KCNT2: variants seen among roughly 807,000 people sequenced by gnomAD.
KCNT2 encodes potassium sodium-activated channel subfamily T member 2, also known as potassium channel subfamily T member 2.
A neutral mutation model predicts 153.8 loss-of-function variants in KCNT2; 67 were observed. The observed-to-expected ratio is 0.44, with a 90% CI of 0.36 to 0.53. The LOEUF is 0.53. Among genes scored for constraint, KCNT2 ranks in the 20% least tolerant of loss-of-function variants. The probability of loss-of-function intolerance (pLI) is 0.00; values close to 1 mark genes in which losing one functional copy is unlikely to be tolerated. For synonymous variants in KCNT2, 500 were observed against 458.8 expected, an observed-to-expected ratio of 1.09 and a Z score of -1.15; for missense variants, 975 against 1,354.8, an observed-to-expected ratio of 0.72 and a Z score of 4.40.
chr1:196,392,182 G>T (rs978478079), intron 13 of KCNT2, among the ~76,000 whole-genome samples: 2 of 151,214 alleles, frequency 1.3e-5, no homozygotes, highest in Non-Finnish European at 3.0e-5. Context: ...TAGATGGAGA[G>T]AATATGGTTT....
chr1:196,432,945 A>G (rs918348354), intron 8 of KCNT2, among the ~76,000 whole-genome samples: 2 of 152,112 alleles, frequency 1.3e-5, no homozygotes, highest in African/African-American at 4.8e-5. Context: ...TCCAAAATTC[A>G]CACTGACACT....
chr1:196,316,886 T>G (rs1662779261), intron 20 of KCNT2, among the ~76,000 whole-genome samples: 1 of 151,820 alleles, frequency 6.6e-6, no homozygotes, highest in African/African-American at 2.4e-5. Flanking sequence ...TAATGGAGAC[T>G]AAACTTGAAT....
At chr1:196,366,488 C>G (rs948389958) in intron 14 of KCNT2, among the ~76,000 whole-genome samples, 1 of 152,092 alleles carries the variant, frequency 6.6e-6, no homozygotes, top group Non-Finnish European at 1.5e-5. Context: ...TTCCTCAAGT[C>G]ATCAGATGTG....
chr1:196,305,484 ATCT>A (rs968302866), intron 21 of KCNT2, 139 bp from the exon 22 acceptor site: 3 of 575,604 alleles, frequency 5.2e-6, no homozygotes, highest in African/African-American at 3.8e-5. Context: ...GCCACATAAA[ATCT>A]TCTATACAAT....
intron 15 of KCNT2, among the ~76,000 whole-genome samples, chr1:196,340,895 A>G (rs1665559645): frequency 6.6e-6 from 1 of 151,984 alleles, no homozygotes; most frequent in Non-Finnish European, 1.5e-5. Context: ...AGCATATCTT[A>G]CTTTGGTTAA....
chr1:196,378,950 C>T (rs73067641), intron 13 of KCNT2, among the ~76,000 whole-genome samples: 3,226 of 149,482 alleles, frequency 0.022, 110 homozygotes, highest in African/African-American at 0.074. Context: ...CGCTCTTATT[C>T]CCCCCACCCC....
At chr1:196,232,878 A>G (rs1654076042) in intron 27 of KCNT2, among the ~76,000 whole-genome samples, 1 of 151,424 alleles carries the variant, frequency 6.6e-6, no homozygotes, top group Non-Finnish European at 1.5e-5. Flanking sequence ...TAAGAAACAT[A>G]ATTTATTATA....
chr1:196,334,176 T>G, intron 16 of KCNT2, 116 bp from the exon 17 acceptor site: 108 of 578,300 alleles, frequency 1.9e-4, no homozygotes, highest in Middle Eastern at 4.6e-4. Context: ...ATAGAGAGAG[T>G]ATATATTTAT....
At chr1:196,556,088 C>G (rs993301447) in intron 1 of KCNT2, among the ~76,000 whole-genome samples, 1 of 151,396 alleles carries the variant, frequency 6.6e-6, no homozygotes, top group Non-Finnish European at 1.5e-5. Context: ...GAACATTGAT[C>G]TGGGCAAAAA....
intron 7 of KCNT2, 132 bp downstream of exon 7, chr1:196,467,571 C>A: frequency 2.1e-6 from 1 of 478,524 alleles, no homozygotes; most frequent in Non-Finnish European, 3.8e-6. Flanking sequence ...ATGAGTTAAA[C>A]GTTATGGGAG....
intron 1 of KCNT2, among the ~76,000 whole-genome samples, chr1:196,595,106 C>T (rs546168473): frequency 5.9e-5 from 9 of 151,600 alleles, no homozygotes; most frequent in African/African-American, 2.2e-4. Flanking sequence ...CTGGCAAGTG[C>T]TGTAGTAATT....
intron 7 of KCNT2, 42 bp from the exon 8 acceptor site, chr1:196,465,429 C>G (rs1302377791): frequency 9.4e-7 from 1 of 1,063,220 alleles, no homozygotes; most frequent in African/African-American, 1.6e-5. Context: ...TTGATAAATA[C>G]TAAATATGCA....
At chr1:196,268,102 G>C (rs1008564563) in intron 25 of KCNT2, among the ~76,000 whole-genome samples, 1 of 152,128 alleles carries the variant, frequency 6.6e-6, no homozygotes, top group Non-Finnish European at 1.5e-5. Flanking sequence ...TTGAGCACTA[G>C]ACACCCTGGA....
intron 15 of KCNT2, 121 bp downstream of exon 15, chr1:196,341,958 G>A (rs2148161768): frequency 1.1e-6 from 1 of 949,316 alleles, no homozygotes; most frequent in Non-Finnish European, 1.5e-6. Context: ...GGAATATTGT[G>A]ACAAAAATTC....
intron 27 of KCNT2, among the ~76,000 whole-genome samples, chr1:196,230,256 A>ACC (rs984042215): frequency 3.2e-4 from 48 of 152,142 alleles, no homozygotes; most frequent in African/African-American, 1.0e-3. Flanking sequence ...AAATCCTAGG[A>ACC]CACTTAAGAA....
At position 196,371,535 on chromosome 1, in the gene KCNT2, T is replaced by A. The variant is rs1668536963; in HGVS notation, c.1403+1605A>T. On this transcript the variant is annotated intron_variant, in intron 14 of 27. Coordinates refer to ENST00000294725, the MANE Select transcript of KCNT2 (RefSeq NM_198503.5). ...TTTCAATAAATCTACTATAAGAAGT[T>A]ATTATGGTGGATGATAGCATTTACT... 2.0e-5 allele frequency among the ~76,000 whole-genome samples: 3 copies of A among 152,058 alleles called. No individual in the cohort carries two copies. The South Asian group carries it at 6.2e-4, about 31-fold the overall frequency.
intron 2 of KCNT2, among the ~76,000 whole-genome samples, chr1:196,491,509 C>G (rs978711902): frequency 3.3e-5 from 5 of 151,938 alleles, no homozygotes; most frequent in Admixed American, 6.6e-5. Flanking sequence ...ATGCAGGCCT[C>G]TCCATTCCCT....
At chr1:196,368,361 C>T (rs969855558) in intron 14 of KCNT2, among the ~76,000 whole-genome samples, 4 of 152,040 alleles carry the variant, frequency 2.6e-5, no homozygotes, top group African/African-American at 9.7e-5. Flanking sequence ...TAAAAGCAAA[C>T]AAAAATAGAT....
chr1:196,527,458 G>GT (rs969695376), intron 1 of KCNT2, among the ~76,000 whole-genome samples: 9 of 152,094 alleles, frequency 5.9e-5, no homozygotes, highest in Admixed American at 5.9e-4. Context: ...AGTAATGACA[G>GT]TTTATTAGCA....
Sources: allele counts gnomAD v4.1 joint callset (sites outside exome capture counted in the v4.1 genomes callset), GRCh38; gene constraint gnomAD v4.1.1; transcripts MANE v1.5; gene names NCBI Gene and HGNC (gene_info 2026-07-23, HGNC 2026-07-21).